LRRK2: variants seen among roughly 807,000 people sequenced by gnomAD.
LRRK2 encodes leucine-rich repeat serine/threonine-protein kinase 2.
LRRK2 carries 203 observed loss-of-function variants against 302.6 expected under a neutral mutation model. That is an observed-to-expected ratio of 0.67 (90% CI 0.60 to 0.75). The LOEUF (loss-of-function observed/expected upper bound fraction) is 0.75. Ranked by LOEUF, LRRK2 falls within the 30% of genes least tolerant of loss-of-function variation. LRRK2 has a pLI of 0.00. For synonymous variants in LRRK2, 1,066 were observed against 1,031.9 expected (o/e 1.03, Z -0.63); for missense variants, 2,830 against 2,951.0 (o/e 0.96, Z 0.95).
At chr12:40,248,646 A>G (rs1254089222) in intron 7 of LRRK2, among the ~76,000 whole-genome samples, 1 of 152,206 alleles carries the variant, frequency 6.6e-6, no homozygotes, top group Non-Finnish European at 1.5e-5. Flanking sequence ...CAAACTATGT[A>G]ATCTAATTAT....
chr12:40,323,117 T>A (rs749811312), intron 37 of LRRK2, 43 bp from the exon 38 acceptor site: 1 of 1,562,108 alleles, frequency 6.4e-7, no homozygotes, highest in South Asian at 1.1e-5. Context: ...ATGTATCTCC[T>A]TAAATGTTGT....
intron 38 of LRRK2, among the ~76,000 whole-genome samples, chr12:40,323,525 G>A (rs1214671900): frequency 6.6e-6 from 1 of 152,080 alleles, no homozygotes; most frequent in Non-Finnish European, 1.5e-5. Context: ...AGATGAGGAT[G>A]AGATTATCAT....
In LRRK2 at chr12:40,229,249, A is replaced by T. The variant is rs913986453; in HGVS notation, c.238-3025A>T. Reference sequence around the variant, plus strand: ...ATATGTTGAATTAGCTGGAAGTGCCAAAAGAAAAACTCTTAATGATAAATT... The same window carrying T: ...ATATGTTGAATTAGCTGGAAGTGCCTAAAGAAAAACTCTTAATGATAAATT... On this transcript the variant is annotated intron_variant, in intron 2 of 50. Coordinates refer to ENST00000298910, the MANE Select transcript of LRRK2 (RefSeq NM_198578.4). Among the ~76,000 whole-genome samples the T allele has an allele frequency of 1.8e-4, 28 of 152,126 alleles. 1 individual carries two copies. Among genetic ancestry groups the T allele is most frequent in the Non-Finnish European group, 1.5e-5 (1 of 67,990 alleles).
At chr12:40,344,868 A>G (rs1416422760) in intron 41 of LRRK2, among the ~76,000 whole-genome samples, 1 of 151,968 alleles carries the variant, frequency 6.6e-6, no homozygotes, top group Admixed American at 6.6e-5. Flanking sequence ...CATGATAATT[A>G]TATGTAATTA....
intron 33 of LRRK2, chr12:40,316,333 A>G (rs910882632): frequency 6.1e-6 from 6 of 985,116 alleles, no homozygotes; most frequent in Non-Finnish European, 6.0e-6. Flanking sequence ...ATCCTGTACC[A>G]TGGAACTCAA....
At chr12:40,363,686 A>G (rs1946787776) in intron 48 of LRRK2, 132 bp downstream of exon 48, 1 of 943,338 alleles carries the variant, frequency 1.1e-6, no homozygotes, top group Non-Finnish European at 1.6e-6. Context: ...AAAATTTGTA[A>G]TGCTTCTCAG....
At chr12:40,367,436 C>G (rs977517068) in intron 50 of LRRK2, 5 of 428,430 alleles carry the variant, frequency 1.2e-5, no homozygotes, top group African/African-American at 4.1e-5. Flanking sequence ...TGTTGATACT[C>G]TATTTGAAAT....
In LRRK2 at chr12:40,262,055, A is replaced by G. The variant is rs183770044; in HGVS notation, c.1544-1734A>G. Among the ~76,000 whole-genome samples the G allele has an allele frequency of 2.8e-4, 42 of 152,244 alleles. 1 individual carries two copies. The highest frequency in any genetic ancestry group is 1.6e-3 in the Admixed American group (25 of 15,256). On this transcript the variant is annotated intron_variant, in intron 13 of 50. Transcript: ENST00000298910. ...AGAGGAAATAATGTGAAATTCTTTA[A>G]GAAGGGATATAGGCAAATTGGGAAG...
chr12:40,308,671 C>T lies in LRRK2; in HGVS notation c.4164C>T (p.Leu1388=), dbSNP rs757255377. 5.0e-6 allele frequency: 8 copies of T among 1,613,676 alleles called. No homozygotes were observed. The highest frequency in any genetic ancestry group is 5.9e-6 in the Non-Finnish European group (7 of 1,179,866). Residue 1388 remains leucine (L), a synonymous_variant, in exon 29 of 51, where the codon CTC becomes CTT. Coordinates refer to ENST00000298910, the MANE Select transcript of LRRK2 (RefSeq NM_198578.4). ...TAAGAGACAAAAGAAAGAGAGATCT[C>T]GTCCTAAATGTGTGGGATTTTGCAG... ...IQIRDKRKRD[L]VLNVWDFAGR...
chr12:40,351,592 A>G lies in LRRK2; in HGVS notation c.6435A>G (p.Leu2145=), dbSNP rs774153500. 3.7e-6 allele frequency: 6 copies of G among 1,614,036 alleles called. No individual in the cohort carries two copies. The African/African-American group carries it at 6.7e-5, about 18-fold the overall frequency. ...AELVCLTRRI[L]LPKNVIVECM... ...TAGTCTGTCTGACGAGACGCATTTTATTACCTAAAAACGTAATTGTTGAAT... is the reference window on the plus strand; with the variant it reads ...TAGTCTGTCTGACGAGACGCATTTTGTTACCTAAAAACGTAATTGTTGAAT... The change falls in exon 44 of 51, where the codon TTA becomes TTG. Residue 2145 remains leucine, a synonymous_variant. Transcript: ENST00000298910.
At chr12:40,362,446 A>G (rs4767973) in intron 47 of LRRK2, among the ~76,000 whole-genome samples, 93,876 of 151,912 alleles carry the variant, frequency 0.62, 29,399 homozygotes, top group Non-Finnish European at 0.67. Flanking sequence ...AGACTGCTTG[A>G]TTATATCAGA....
chr12:40,367,577 CTG>C (rs1946917018), intron 50 of LRRK2, 65 bp from the exon 51 acceptor site: 1 of 1,522,568 alleles, frequency 6.6e-7, no homozygotes, highest in Non-Finnish European at 8.9e-7. Context: ...ATGAGCCAAA[CTG>C]AAATAAAATA....
Position 40,295,503 on chromosome 12 carries a change from A to T in LRRK2, c.2955A>T (p.Thr985=). ...TGGCTTCTGAGAGAGAATATATTACATCACTAGACCTTTCAGCAAATGAAC... is the reference window on the plus strand; with the variant it reads ...TGGCTTCTGAGAGAGAATATATTACTTCACTAGACCTTTCAGCAAATGAAC... ...SSLASEREYI[T]SLDLSANELR... Residue 985 remains threonine (T), a synonymous_variant, in exon 23 of 51, where the codon ACA becomes ACT. Transcript: ENST00000298910. 6.2e-7 allele frequency: 1 copy of T among 1,613,950 alleles called. No homozygotes were observed. The highest frequency in any genetic ancestry group is 8.5e-7 in the Non-Finnish European group (1 of 1,179,972).
chr12:40,268,601 T>G (rs1014852499), intron 14 of LRRK2, among the ~76,000 whole-genome samples: 9 of 152,180 alleles, frequency 5.9e-5, no homozygotes, highest in African/African-American at 2.2e-4. Flanking sequence ...TATGAACCAT[T>G]AGTAAAAATA....
At position 40,367,729 on chromosome 12, in the gene LRRK2, A is replaced by G. The variant is rs1946923469; in HGVS notation, c.7548A>G (p.Glu2516=). 6.2e-7 allele frequency: 1 copy of G among 1,605,460 alleles called. No homozygotes were observed. The highest frequency in any genetic ancestry group is 1.3e-5 in the African/African-American group (1 of 74,592). The change falls in exon 51 of 51, where the codon GAA becomes GAG. Residue 2516 remains glutamate (E), a synonymous_variant. Transcript: ENST00000298910. The part of the protein sequence containing the change: ...NLEKHIEVRK[E]LAEKMRRTSV... The stretch of plus-strand genomic sequence containing the variant: ...AAAAACACATTGAAGTGAGAAAAGA[A>G]TTAGCTGAAAAAATGAGACGAACAT...
intron 31 of LRRK2, among the ~76,000 whole-genome samples, chr12:40,312,016 G>T: frequency 6.6e-6 from 1 of 151,484 alleles, no homozygotes; most frequent in East Asian, 1.9e-4. Flanking sequence ...TTGTTACTGA[G>T]AATATTTTGA....
At chr12:40,350,043 C>T (rs1271939307) in intron 43 of LRRK2, among the ~76,000 whole-genome samples, 7 of 152,182 alleles carry the variant, frequency 4.6e-5, no homozygotes, top group South Asian at 2.1e-4. Flanking sequence ...AATTTTTCAG[C>T]AACCTTTTGC....
rs1356131541 is a variant in LRRK2, at chr12:40,368,807, A to G, written c.*1042A>G. Reference sequence around the variant, plus strand: ...AGCTTTAGTTATGATGGATAAAAATATCTGCCACCCTAGGCTTCCAAATTA... The same window carrying G: ...AGCTTTAGTTATGATGGATAAAAATGTCTGCCACCCTAGGCTTCCAAATTA... On this transcript the variant is annotated 3_prime_UTR_variant, in exon 51 of 51. Transcript: ENST00000298910. The G allele has an allele frequency of 6.6e-6, 1 of 151,856 alleles. No individual in the cohort carries two copies. Among genetic ancestry groups the G allele is most frequent in the Non-Finnish European group, 1.5e-5 (1 of 67,752 alleles). The allele number at this position is 151,856 out of a possible 1,614,324, so 9.4% of individuals were successfully genotyped here.
At chr12:40,251,423 C>A (rs778567252) in intron 9 of LRRK2, 42 bp from the exon 10 acceptor site, 1 of 1,611,916 alleles carries the variant, frequency 6.2e-7, no homozygotes, top group Non-Finnish European at 8.5e-7. Context: ...GTTTTCCAGT[C>A]ATTTATATTT....
Sources: allele counts gnomAD v4.1 joint callset (sites outside exome capture counted in the v4.1 genomes callset), GRCh38; gene constraint gnomAD v4.1.1; transcripts MANE v1.5; gene names NCBI Gene and HGNC (gene_info 2026-07-23, HGNC 2026-07-21).